ARHGAP26: variants seen among roughly 807,000 people sequenced by gnomAD.
The protein encoded by ARHGAP26 is rho GTPase-activating protein 26.
In ARHGAP26, 38 loss-of-function variants were observed where a neutral mutation model predicts 104.8. The ratio of observed to expected loss-of-function variants is 0.36; its 90% CI spans 0.28 to 0.48. The LOEUF is 0.48. Ranked by LOEUF, ARHGAP26 falls within the 20% of genes least tolerant of loss-of-function variation. The pLI is 0.99. For synonymous variants in ARHGAP26, 341 were observed against 340.0 expected, an observed-to-expected ratio of 1.00 and a Z score of -0.03; for missense variants, 704 against 947.9, an observed-to-expected ratio of 0.74 and a Z score of 3.38.
intron 1 of ARHGAP26, among the ~76,000 whole-genome samples, chr5:142,850,128 T>G (rs1429701679): frequency 6.6e-6 from 1 of 152,244 alleles, no homozygotes; most frequent in Non-Finnish European, 1.5e-5. Flanking sequence ...TTCAGAGCTC[T>G]GCCTACCTCT....
chr5:142,880,469 G>A (rs1384941920), intron 4 of ARHGAP26, among the ~76,000 whole-genome samples: 2 of 151,628 alleles, frequency 1.3e-5, no homozygotes, highest in Non-Finnish European at 2.9e-5. Context: ...AGTGAGCCGA[G>A]ATCGCGCCAC....
At chr5:143,015,435 C>T (rs570291280) in intron 12 of ARHGAP26, among the ~76,000 whole-genome samples, 8 of 152,308 alleles carry the variant, frequency 5.3e-5, no homozygotes, top group Middle Eastern at 3.4e-3. Context: ...CTGGATAATA[C>T]GACAAAGCTC....
chr5:143,035,412 A>G (rs1782467799), intron 12 of ARHGAP26, among the ~76,000 whole-genome samples: 1 of 152,214 alleles, frequency 6.6e-6, no homozygotes, highest in African/African-American at 2.4e-5. Flanking sequence ...ACTGGAGACT[A>G]TTATTCTAAG....
intron 11 of ARHGAP26, among the ~76,000 whole-genome samples, chr5:143,009,640 G>A (rs1371103285): frequency 6.6e-6 from 1 of 152,118 alleles, no homozygotes; most frequent in Non-Finnish European, 1.5e-5. Context: ...GATGGACCGT[G>A]ATAAGATAAA....
intron 1 of ARHGAP26, among the ~76,000 whole-genome samples, chr5:142,866,337 A>G (rs2152328284): frequency 6.6e-6 from 1 of 152,318 alleles, no homozygotes; most frequent in Non-Finnish European, 1.5e-5. Context: ...AGTTTCTTAC[A>G]TTACCACTCA....
At chr5:143,047,473 A>C (rs982917937) in intron 14 of ARHGAP26, among the ~76,000 whole-genome samples, 6 of 152,136 alleles carry the variant, frequency 3.9e-5, no homozygotes. Flanking sequence ...TGCATCTCTA[A>C]TTATTTCCTC....
chr5:143,212,405 A>G (rs1809610004), intron 21 of ARHGAP26, among the ~76,000 whole-genome samples: 2 of 151,300 alleles, frequency 1.3e-5, no homozygotes, highest in South Asian at 4.2e-4. Flanking sequence ...AAAGTTGCAC[A>G]TAGGATGTTT....
chr5:143,053,422 C>T (rs1251180671), intron 14 of ARHGAP26, among the ~76,000 whole-genome samples: 1 of 152,088 alleles, frequency 6.6e-6, no homozygotes, highest in Non-Finnish European at 1.5e-5. Context: ...GCTGGATTCT[C>T]CCTCCTGTGC....
intron 14 of ARHGAP26, among the ~76,000 whole-genome samples, chr5:143,044,838 A>T (rs1784001380): frequency 6.6e-6 from 1 of 152,218 alleles, no homozygotes; most frequent in South Asian, 2.1e-4. Context: ...AGGCAAGGCA[A>T]ACCCTATCAA....
intron 12 of ARHGAP26, among the ~76,000 whole-genome samples, chr5:143,020,399 C>T (rs1428190280): frequency 6.6e-6 from 1 of 152,100 alleles, no homozygotes; most frequent in African/African-American, 2.4e-5. Flanking sequence ...AGACAGATGG[C>T]CCAATTACAT....
intron 20 of ARHGAP26, among the ~76,000 whole-genome samples, chr5:143,147,975 C>CT (rs1369436893): frequency 6.6e-6 from 1 of 152,182 alleles, no homozygotes; most frequent in Non-Finnish European, 1.5e-5. Context: ...GGCTGGTTGT[C>CT]TAGCCCTCCA....
chr5:143,198,713 C>A (rs1807237639), intron 20 of ARHGAP26, among the ~76,000 whole-genome samples: 1 of 152,212 alleles, frequency 6.6e-6, no homozygotes, highest in South Asian at 2.1e-4. Flanking sequence ...ATTCCAAAAT[C>A]TTGAATTTTG....
intron 18 of ARHGAP26, among the ~76,000 whole-genome samples, chr5:143,127,558 C>G (rs1386343606): frequency 6.6e-6 from 1 of 152,160 alleles, no homozygotes; most frequent in Non-Finnish European, 1.5e-5. Flanking sequence ...AGGAGAGGAG[C>G]TAGCAATCAT....
chr5:142,982,230 A>G (rs908564431), intron 11 of ARHGAP26, among the ~76,000 whole-genome samples: 4 of 152,262 alleles, frequency 2.6e-5, no homozygotes, highest in Non-Finnish European at 5.9e-5. Flanking sequence ...TTGTTGGAGC[A>G]GTCCAGATGG....
chr5:143,162,311 A>ACACACACG (rs1025591683), intron 20 of ARHGAP26, among the ~76,000 whole-genome samples: 2 of 147,400 alleles, frequency 1.4e-5, no homozygotes. Context: ...ACACACACAC[A>ACACACACG]CGCAATCCCC....
At chr5:142,953,145 C>G (rs1366037231) in intron 11 of ARHGAP26, among the ~76,000 whole-genome samples, 2 of 152,184 alleles carry the variant, frequency 1.3e-5, no homozygotes, top group African/African-American at 4.8e-5. Context: ...CCACACCAAC[C>G]AGGATTGTCC....
intron 11 of ARHGAP26, among the ~76,000 whole-genome samples, chr5:142,938,263 T>G (rs1765735362): frequency 6.6e-6 from 1 of 152,216 alleles, no homozygotes; most frequent in Non-Finnish European, 1.5e-5. Context: ...AACAACAAAG[T>G]TAGCTATTCA....
Position 143,001,682 on chromosome 5 carries a change from G to T in ARHGAP26, c.1108-12398G>T, listed in dbSNP as rs181645271. Among the ~76,000 whole-genome samples the T allele has an allele frequency of 8.7e-4, 132 of 152,340 alleles. No individual in the cohort carries two copies. The East Asian group carries it at 0.023, about 27-fold the overall frequency. On this transcript the variant is annotated intron_variant, in intron 11 of 22. Coordinates refer to ENST00000645722, the MANE Select transcript of ARHGAP26 (RefSeq NM_001135608.3). ...GATTCTGCCTGTGATGGAGGTGGGG[G>T]ACCCACACAGAGTGCAGAATTCTAG...
chr5:142,987,613 T>G (rs1774962164), intron 11 of ARHGAP26, among the ~76,000 whole-genome samples: 1 of 152,214 alleles, frequency 6.6e-6, no homozygotes. Flanking sequence ...GCCCATTCAG[T>G]ATGATATTGG....
Sources: gnomAD v4.1 joint callset for allele counts (sites outside exome capture counted in the v4.1 genomes callset) on GRCh38, gnomAD v4.1.1 for gene constraint, MANE v1.5 for transcripts, NCBI Gene and HGNC (gene_info 2026-07-23, HGNC 2026-07-21) for gene names.